Variants in CCDC85A observed in about 807,000 individuals in gnomAD.
CCDC85A encodes coiled-coil domain containing 85A.
CCDC85A carries 38 observed loss-of-function variants against 50.2 expected under a neutral mutation model. The observed-to-expected ratio is 0.76, with a 90% CI of 0.58 to 0.99. CCDC85A has a LOEUF of 0.99. Among genes scored for constraint, CCDC85A ranks in the 50% least tolerant of loss-of-function variants. CCDC85A has a pLI of 0.00. For synonymous variants in CCDC85A, 366 were observed against 301.4 expected, an observed-to-expected ratio of 1.21 and a Z score of -2.22; for missense variants, 820 against 742.0, an observed-to-expected ratio of 1.11 and a Z score of -1.22.
intron 2 of CCDC85A, among the ~76,000 whole-genome samples, chr2:56,233,807 G>A (rs1371862598): frequency 6.6e-6 from 1 of 152,058 alleles, no homozygotes. Flanking sequence ...TTGAGGAAAG[G>A]GCCTTGTATT....
At chr2:56,356,978 T>A (rs1279494769) in intron 3 of CCDC85A, among the ~76,000 whole-genome samples, 1 of 149,746 alleles carries the variant, frequency 6.7e-6, no homozygotes, top group Non-Finnish European at 1.5e-5. Context: ...ATTCGGGAGG[T>A]TGAGGCAGGA....
intron 2 of CCDC85A, among the ~76,000 whole-genome samples, chr2:56,253,958 A>G (rs1669875345): frequency 6.6e-6 from 1 of 152,190 alleles, no homozygotes; most frequent in African/African-American, 2.4e-5. Flanking sequence ...ATGAGTCATG[A>G]CTGGCACATA....
chr2:56,190,198 C>T (rs537574133), intron 1 of CCDC85A, among the ~76,000 whole-genome samples: 28 of 152,234 alleles, frequency 1.8e-4, no homozygotes, highest in Admixed American at 9.2e-4. Flanking sequence ...AGTTCTGGAT[C>T]GGTTCGCAAG....
At chr2:56,292,646 A>G (rs1036307103) in intron 2 of CCDC85A, among the ~76,000 whole-genome samples, 2 of 152,192 alleles carry the variant, frequency 1.3e-5, no homozygotes, top group South Asian at 2.1e-4. Context: ...AAATAAATAC[A>G]TAAGGAAATA....
In CCDC85A at chr2:56,184,747, C is replaced by T. The variant is rs1482884370; in HGVS notation, c.123C>T (p.Asp41=). 10 of 1,543,682 alleles carry T rather than the reference C, an allele frequency of 6.5e-6. No individual in the cohort carries two copies. The highest frequency in any genetic ancestry group is 1.4e-5 in the African/African-American group (1 of 71,932). Residue 41 remains aspartate (D), a synonymous_variant, in exon 1 of 6, where the codon GAC becomes GAT. Coordinates refer to ENST00000407595, the MANE Select transcript of CCDC85A (RefSeq NM_001080433.2). ...APVEDLSKVS[D]EELLQWSKEE... Reference sequence around the variant, plus strand: ...TGGAGGACCTGTCCAAAGTGTCGGACGAGGAGCTGCTGCAGTGGAGCAAGG... The same window carrying T: ...TGGAGGACCTGTCCAAAGTGTCGGATGAGGAGCTGCTGCAGTGGAGCAAGG...
At chr2:56,197,622 G>T (rs1484126017) in intron 2 of CCDC85A, among the ~76,000 whole-genome samples, 1 of 152,160 alleles carries the variant, frequency 6.6e-6, no homozygotes, top group East Asian at 1.9e-4. Flanking sequence ...GAGTCATTTT[G>T]CTTAAGATGG....
chr2:56,333,388 T>A (rs1573281976), intron 2 of CCDC85A, among the ~76,000 whole-genome samples: 1 of 152,066 alleles, frequency 6.6e-6, no homozygotes, highest in Non-Finnish European at 1.5e-5. Flanking sequence ...TCTATGGTGT[T>A]CAGGAACAGA....
intron 2 of CCDC85A, among the ~76,000 whole-genome samples, chr2:56,299,497 C>T (rs369861123): frequency 4.6e-5 from 7 of 152,122 alleles, no homozygotes; most frequent in African/African-American, 1.2e-4. Context: ...GGAGCCCAGA[C>T]GTCTTTTGTT....
chr2:56,231,914 G>A (rs1335605312), intron 2 of CCDC85A, among the ~76,000 whole-genome samples: 2 of 151,946 alleles, frequency 1.3e-5, no homozygotes. Flanking sequence ...ACCACCCACA[G>A]CATTGGACAG....
chr2:56,363,127 G>T (rs951543484), intron 3 of CCDC85A, among the ~76,000 whole-genome samples: 1 of 152,106 alleles, frequency 6.6e-6, no homozygotes, highest in Non-Finnish European at 1.5e-5. Flanking sequence ...TAAGAAGGTA[G>T]GGCACAGATA....
chr2:56,338,283 A>T (rs1040037050), intron 2 of CCDC85A, among the ~76,000 whole-genome samples: 3 of 152,000 alleles, frequency 2.0e-5, no homozygotes, highest in Non-Finnish European at 2.9e-5. Context: ...GCTTTCTATT[A>T]ATGACTTTAT....
intron 3 of CCDC85A, among the ~76,000 whole-genome samples, chr2:56,350,786 A>G (rs770518969): frequency 6.7e-6 from 1 of 148,924 alleles, no homozygotes; most frequent in Non-Finnish European, 1.5e-5. Context: ...TGGACATAGC[A>G]TAATTTATTT....
chr2:56,313,398 T>C (rs747175712), intron 2 of CCDC85A, among the ~76,000 whole-genome samples: 7 of 152,174 alleles, frequency 4.6e-5, no homozygotes, highest in Admixed American at 6.6e-5. Context: ...GTAAAGGTAA[T>C]TGAATCTGAA....
At chr2:56,187,490 G>GT (rs1676102115) in intron 1 of CCDC85A, among the ~76,000 whole-genome samples, 1 of 152,202 alleles carries the variant, frequency 6.6e-6, no homozygotes, top group East Asian at 1.9e-4. Flanking sequence ...GCCCTGAGAA[G>GT]TGGAAAGATA....
At chr2:56,268,133 G>C (rs548720501) in intron 2 of CCDC85A, among the ~76,000 whole-genome samples, 1 of 152,262 alleles carries the variant, frequency 6.6e-6, no homozygotes, top group East Asian at 1.9e-4. Context: ...GAGGTGTTCA[G>C]TTAACATTAA....
chr2:56,301,349 T>G (rs1361079373), intron 2 of CCDC85A, among the ~76,000 whole-genome samples: 1 of 152,172 alleles, frequency 6.6e-6, no homozygotes, highest in East Asian at 1.9e-4. Context: ...CAATGTTTCT[T>G]AAAGTATGAC....
chr2:56,192,344 C>T lies in CCDC85A; in HGVS notation c.277-133C>T. 1 of 1,281,212 alleles carries T rather than the reference C, an allele frequency of 7.8e-7. No individual in the cohort carries two copies. The highest frequency in any genetic ancestry group is 1.1e-6 in the Non-Finnish European group (1 of 934,408). The allele number at this position is 1,281,212 out of a possible 1,614,324, so 79.4% of individuals were successfully genotyped here. A position where few individuals can be genotyped will look rare whatever the true frequency, so the allele number is the denominator to read the frequency against. ...TGGACAGCTACAAATCTTCAGCTTC[C>T]TCCTACTCCCTCACCTCCTCCCCTA... is the stretch of plus-strand genomic sequence containing the variant. On this transcript the variant is annotated intron_variant, in intron 1 of 5. Coordinates refer to ENST00000407595, the MANE Select transcript of CCDC85A (RefSeq NM_001080433.2). This position sits in a 1 kb window ranked among gnomAD's most constrained non-coding sequence, Gnocchi z 4.7.
chr2:56,313,512 C>G (rs183964936), intron 2 of CCDC85A, among the ~76,000 whole-genome samples: 22 of 152,232 alleles, frequency 1.4e-4, no homozygotes, highest in Admixed American at 3.9e-4. Flanking sequence ...TGGGGCTTCC[C>G]TCTCTTTTTC....
rs190421231 is a variant in CCDC85A at position 56,312,774 on chromosome 2, C to T, written c.1241-30105C>T. 6.6e-5 allele frequency among the ~76,000 whole-genome samples: 10 copies of T among 152,140 alleles called. No homozygotes were observed. The East Asian group carries it at 1.2e-3, about 18-fold the overall frequency. ...TGTGCAGCACTTTCATTTTAACATTCGTTTATTTGGTAGTTATTCAGCACC... is the reference window on the plus strand; with the variant it reads ...TGTGCAGCACTTTCATTTTAACATTTGTTTATTTGGTAGTTATTCAGCACC... On this transcript the variant is annotated intron_variant, in intron 2 of 5. Transcript: ENST00000407595.
Sources: allele counts gnomAD v4.1 joint callset (sites outside exome capture counted in the v4.1 genomes callset), GRCh38; gene constraint gnomAD v4.1.1; non-coding constraint Gnocchi (gnomAD v3.1); transcripts MANE v1.5; gene names NCBI Gene and HGNC (gene_info 2026-07-23, HGNC 2026-07-21).